CMTM2: variants seen among roughly 807,000 people sequenced by gnomAD.
CMTM2 encodes CKLF like MARVEL transmembrane domain containing 2.
A neutral mutation model predicts 16.8 loss-of-function variants in CMTM2; 15 were observed. The ratio of observed to expected loss-of-function variants is 0.89; its 90% CI spans 0.60 to 1.37. The LOEUF is 1.37. Among genes scored for constraint, CMTM2 ranks in the 40% most tolerant of loss-of-function variants. The pLI, the probability that CMTM2 is intolerant of heterozygous loss-of-function variation, is 0.00. For missense variants in CMTM2, 282 were observed against 318.0 expected (o/e 0.89, Z 0.86); for synonymous variants, 117 against 118.7 (o/e 0.99, Z 0.09).
At chr16:66,586,934 G>A in intron 2 of CMTM2, 63 bp from the exon 3 acceptor site, 2 of 1,101,080 alleles carry the variant, frequency 1.8e-6, no homozygotes, top group Middle Eastern at 2.2e-4. Flanking sequence ...GCTAGCCAGG[G>A]TGCAGTGTTT....
chr16:66,588,275 A>G lies in CMTM2; in HGVS notation c.*156A>G. The G allele has an allele frequency of 1.4e-6, 1 of 711,250 alleles. No homozygotes were observed. The highest frequency in any genetic ancestry group is 2.3e-6 in the Non-Finnish European group (1 of 437,940). 44.1% of individuals were successfully genotyped at this position (711,250 alleles called of 1,614,324 possible). On this transcript the variant is annotated 3_prime_UTR_variant, in exon 4 of 4. Coordinates refer to ENST00000268595, the MANE Select transcript of CMTM2 (RefSeq NM_144673.3). ...GGATTAATGGATTCTAAAAGCCTAAAGTTGATGTAAGCATTATTTTGTTCA... is the reference window on the plus strand; with the variant it reads ...GGATTAATGGATTCTAAAAGCCTAAGGTTGATGTAAGCATTATTTTGTTCA...
intron 2 of CMTM2, among the ~76,000 whole-genome samples, chr16:66,581,862 T>C (rs374871615): frequency 5.9e-5 from 9 of 152,288 alleles, no homozygotes; most frequent in East Asian, 1.9e-4. Flanking sequence ...GAAACCTTCA[T>C]CCCTGGGAAT....
intron 2 of CMTM2, chr16:66,580,518 A>G (rs747028253): frequency 5.9e-4 from 172 of 289,998 alleles, no homozygotes; most frequent in Admixed American, 1.7e-3. Context: ...GCCAGCTCAC[A>G]CTTGACAGGA....
intron 3 of CMTM2, among the ~76,000 whole-genome samples, chr16:66,587,411 G>C (rs1282688304): frequency 6.6e-6 from 1 of 152,074 alleles, no homozygotes; most frequent in African/African-American, 2.4e-5. Context: ...ACAAAAATTA[G>C]CCAGGCATGG....
chr16:66,586,363 C>T (rs1376436969), intron 2 of CMTM2, among the ~76,000 whole-genome samples: 1 of 152,052 alleles, frequency 6.6e-6, no homozygotes, highest in Non-Finnish European at 1.5e-5. Flanking sequence ...ATTGGCTGGG[C>T]GCTGTGGCCC....
intron 3 of CMTM2, 123 bp from the exon 4 acceptor site, chr16:66,587,796 T>G: frequency 1.0e-5 from 10 of 960,280 alleles, no homozygotes; most frequent in African/African-American, 1.6e-5. Context: ...CAGAGATGGT[T>G]GACATTTGAG....
intron 3 of CMTM2, among the ~76,000 whole-genome samples, chr16:66,587,543 C>T (rs926619679): frequency 4.6e-5 from 7 of 151,128 alleles, no homozygotes; most frequent in Admixed American, 6.6e-5. Context: ...GACGACGGAG[C>T]GAGACTTCGT....
At chr16:66,582,251 G>C (rs568739804) in intron 2 of CMTM2, among the ~76,000 whole-genome samples, 7 of 152,268 alleles carry the variant, frequency 4.6e-5, no homozygotes, top group African/African-American at 1.7e-4. Context: ...TATAGTTATT[G>C]AAATAAAAAT....
chr16:66,587,638 G>A (rs1052988423), intron 3 of CMTM2, among the ~76,000 whole-genome samples: 1 of 152,150 alleles, frequency 6.6e-6, no homozygotes, highest in African/African-American at 2.4e-5. Context: ...CGGGGAGCCA[G>A]CCCAAGTTCC....
chr16:66,584,512 C>T (rs1042705160), intron 2 of CMTM2, among the ~76,000 whole-genome samples: 12 of 152,182 alleles, frequency 7.9e-5, no homozygotes, highest in Non-Finnish European at 1.6e-4. Flanking sequence ...TTCCTGGCAC[C>T]TTGCTCATGG....
chr16:66,580,957 G>A (rs1004520575), intron 2 of CMTM2, among the ~76,000 whole-genome samples: 5 of 152,046 alleles, frequency 3.3e-5, no homozygotes, highest in East Asian at 1.9e-4. Flanking sequence ...AAGTCCCTTT[G>A]TTCATTGCAC....
At chr16:66,581,509 G>C (rs1184163538) in intron 2 of CMTM2, among the ~76,000 whole-genome samples, 1 of 152,170 alleles carries the variant, frequency 6.6e-6, no homozygotes, top group African/African-American at 2.4e-5. Flanking sequence ...GAGTGGGAAT[G>C]GTCCAAGAGG....
rs150556733 is a variant in CMTM2 at position 66,588,065 on chromosome 16, C to T, written c.693C>T (p.Pro231=). 1.2e-5 allele frequency: 19 copies of T among 1,613,278 alleles called. No homozygotes were observed. Among genetic ancestry groups the T allele is most frequent in the Middle Eastern group, 3.7e-4 (2 of 5,446 alleles). The change falls in exon 4 of 4, where the codon CCC becomes CCT. Residue 231 remains proline (P), a synonymous_variant. Coordinates refer to ENST00000268595, the MANE Select transcript of CMTM2 (RefSeq NM_144673.3). ...KGPQQGKGPE[P]AKPPEPGKPP... is the part of the protein sequence containing the mutation. ...CCCAGCAGGGCAAGGGACCAGAACC[C>T]GCCAAGCCACCAGAACCTGGCAAGC...
chr16:66,580,110 T>C lies in CMTM2; in HGVS notation c.370T>C (p.Phe124Leu), dbSNP rs770560267. The C allele has an allele frequency of 6.2e-7, 1 of 1,614,088 alleles. No homozygotes were observed. Among genetic ancestry groups the C allele is most frequent in the Non-Finnish European group, 8.5e-7 (1 of 1,180,008 alleles). Residue 124 changes from phenylalanine (F) to leucine (L), a missense_variant, in exon 2 of 4, where the codon TTC (phenylalanine) becomes CTC (leucine). Coordinates refer to ENST00000268595, the MANE Select transcript of CMTM2 (RefSeq NM_144673.3). The part of the protein sequence containing the change: ...LRLIITMEIS[F>L]FSFFILLYSF... ...GCTTATCATCACCATGGAGATATCC[T>C]TCTTCAGCTTCTTCATCTTACTGTA...
chr16:66,580,324 G>A, intron 2 of CMTM2, 140 bp downstream of exon 2: 1 of 907,678 alleles, frequency 1.1e-6, no homozygotes, highest in Non-Finnish European at 1.7e-6. Context: ...CATCAGTGGG[G>A]CCCAGGCAGA....
chr16:66,583,084 CAG>C (rs1225472619), intron 2 of CMTM2, among the ~76,000 whole-genome samples: 1 of 152,136 alleles, frequency 6.6e-6, no homozygotes, highest in African/African-American at 2.4e-5. Context: ...ATTATCTACA[CAG>C]AAAATCTAAG....
Position 66,579,637 on chromosome 16 carries a change from G to A in CMTM2, c.30G>A (p.Lys10=). 1 of 1,614,032 alleles carries A rather than the reference G, an allele frequency of 6.2e-7. No individual in the cohort carries two copies. MAPKAAKGA[K]PEPAPAPPPP... ...CACCTAAGGCGGCAAAGGGGGCCAA[G>A]CCAGAGCCAGCACCAGCTCCACCTC... Residue 10 remains lysine, a synonymous_variant, in exon 1 of 4, where the codon AAG becomes AAA. Transcript: ENST00000268595. The surrounding 1 kb of genome is among the most constrained non-coding windows in gnomAD (Gnocchi z 6.5).
In CMTM2 at chr16:66,587,066, C is replaced by G; in HGVS notation, c.514C>G (p.Arg172Gly). Reference sequence around the variant, plus strand: ...CGTGGTCTTTGCTGTGAGAAGTCGGCGATCCATGAATCTCCACTACTTACT... The same window carrying G: ...CGTGGTCTTTGCTGTGAGAAGTCGGGGATCCATGAATCTCCACTACTTACT... Reference protein sequence around the residue: ...GAVVFAVRSRRSMNLHYLLAV... With the variant: ...GAVVFAVRSRGSMNLHYLLAV... The change falls in exon 3 of 4, where the codon CGA (arginine) becomes GGA (glycine). Residue 172 changes from arginine to glycine, a missense_variant. Arg to Gly is a moderately radical substitution (Grantham distance 125, BLOSUM62 -2). Transcript: ENST00000268595. 6.2e-7 allele frequency: 1 copy of G among 1,614,006 alleles called. No homozygotes were observed. Among genetic ancestry groups the G allele is most frequent in the Non-Finnish European group, 8.5e-7 (1 of 1,179,960 alleles).
rs865858830 is a variant in CMTM2 at position 66,579,563 on chromosome 16, G to T, written c.-45G>T. ...GCCTACCCAGAAACAGCAGGAGAGAGAAGAAACAGGCCAGCTGTGAGAAGC... is the reference window on the plus strand; with the variant it reads ...GCCTACCCAGAAACAGCAGGAGAGATAAGAAACAGGCCAGCTGTGAGAAGC... On this transcript the variant is annotated 5_prime_UTR_variant, in exon 1 of 4. Coordinates refer to ENST00000268595, the MANE Select transcript of CMTM2 (RefSeq NM_144673.3). This position sits in a 1 kb window ranked among gnomAD's most constrained non-coding sequence, Gnocchi z 6.5. 1.2e-6 allele frequency: 2 copies of T among 1,608,958 alleles called. No individual in the cohort carries two copies. The highest frequency in any genetic ancestry group is 3.4e-4 in the Middle Eastern group (2 of 5,932).
Sources: allele counts gnomAD v4.1 joint callset (sites outside exome capture counted in the v4.1 genomes callset), GRCh38; gene constraint gnomAD v4.1.1; non-coding constraint Gnocchi (gnomAD v3.1); transcripts MANE v1.5; gene names NCBI Gene and HGNC (gene_info 2026-07-23, HGNC 2026-07-21).